Variants in FOXP1 observed in about 807,000 individuals in gnomAD.
FOXP1 encodes forkhead box protein P1.
Under a neutral mutation model 98.2 loss-of-function variants are expected in FOXP1, and 15 were observed. The ratio of observed to expected loss-of-function variants is 0.15; its 90% CI spans 0.10 to 0.24. The LOEUF is 0.24. Ranked by LOEUF, FOXP1 falls within the 10% of genes least tolerant of loss-of-function variation. FOXP1 has a pLI of 1.00. For missense variants in FOXP1, 633 were observed against 848.5 expected (o/e 0.75, Z 3.15); for synonymous variants, 371 against 314.5 (o/e 1.18, Z -1.90).
intron 7 of FOXP1, among the ~76,000 whole-genome samples, chr3:71,075,362 A>C (rs2053687407): frequency 6.6e-6 from 1 of 152,010 alleles, no homozygotes; most frequent in South Asian, 2.1e-4. Context: ...ATTACTACAT[A>C]CCACTTTTCC....
chr3:71,082,304 A>G (rs980749018), intron 7 of FOXP1, among the ~76,000 whole-genome samples: 9 of 150,774 alleles, frequency 6.0e-5, no homozygotes, highest in Non-Finnish European at 1.2e-4. Flanking sequence ...AAAAAAAAAG[A>G]ATAGACGGTG....
intron 6 of FOXP1, among the ~76,000 whole-genome samples, chr3:71,174,570 T>C (rs2061818893): frequency 2.0e-5 from 3 of 152,162 alleles, no homozygotes; most frequent in Admixed American, 1.3e-4. Flanking sequence ...TCACAGATCA[T>C]GGAAGGGTCC....
intron 2 of FOXP1, among the ~76,000 whole-genome samples, chr3:71,560,814 G>A (rs2046476559): frequency 6.6e-6 from 1 of 152,104 alleles, no homozygotes; most frequent in Non-Finnish European, 1.5e-5. Context: ...AGGCCACAGA[G>A]AGTTTCATTC....
At chr3:71,395,997 T>C (rs1217519984) in intron 3 of FOXP1, among the ~76,000 whole-genome samples, 1 of 152,096 alleles carries the variant, frequency 6.6e-6, no homozygotes. Context: ...GAAACAGAGA[T>C]GGGTTACAAA....
chr3:71,285,990 T>G (rs1433968149), intron 5 of FOXP1, among the ~76,000 whole-genome samples: 2 of 152,222 alleles, frequency 1.3e-5, no homozygotes, highest in East Asian at 3.8e-4. Context: ...TGTTAGGCGA[T>G]TTTGCTACTG....
rs2074835630 is a variant in FOXP1, at chr3:71,313,299, T to A, written c.-72-13419A>T. ...TGGTCTCGATCTCCTGACCTCATGA[T>A]CCGTCCGCCTCTGCCTCCCAAAGTG... On this transcript the variant is annotated intron_variant, in intron 4 of 20. Coordinates refer to ENST00000649528, the MANE Select transcript of FOXP1 (RefSeq NM_001349338.3). Among the ~76,000 whole-genome samples, 3 of 151,774 alleles carry A rather than the reference T, an allele frequency of 2.0e-5. 1 individual carries two copies. In the South Asian group the frequency reaches 6.2e-4, roughly 32 times the overall value.
In FOXP1 at chr3:71,114,097, C is replaced by G. The variant is rs977889831; in HGVS notation, c.181-1460G>C. On this transcript the variant is annotated intron_variant, in intron 6 of 20. Transcript: ENST00000649528. Reference sequence around the variant, plus strand: ...TATGGTAACCAAATTATTTGCGCATCAAAGAAGAGGCACACATAGATGTCA... The same window carrying G: ...TATGGTAACCAAATTATTTGCGCATGAAAGAAGAGGCACACATAGATGTCA... Among the ~76,000 whole-genome samples, 4 of 152,062 alleles carry G rather than the reference C, an allele frequency of 2.6e-5. No individual in the cohort carries two copies. In the South Asian group the frequency reaches 8.3e-4, roughly 32 times the overall value.
intron 7 of FOXP1, among the ~76,000 whole-genome samples, chr3:71,112,119 G>C (rs567119693): frequency 1.4e-5 from 2 of 142,926 alleles, no homozygotes; most frequent in Middle Eastern, 3.5e-3. Flanking sequence ...GTGGTGGGTG[G>C]GGGGGTGGGG....
chr3:71,201,650 A>G (rs903735106), intron 5 of FOXP1, among the ~76,000 whole-genome samples: 1 of 148,436 alleles, frequency 6.7e-6, no homozygotes, highest in East Asian at 2.0e-4. Flanking sequence ...GGGGAGAGGG[A>G]AAAAAAAAAG....
intron 2 of FOXP1, among the ~76,000 whole-genome samples, chr3:71,503,399 A>G (rs2041553221): frequency 6.6e-6 from 1 of 150,860 alleles, no homozygotes; most frequent in African/African-American, 2.5e-5. Context: ...TAAGTTAAAA[A>G]GCAAACAGAA....
chr3:71,313,134 A>T (rs754980678), intron 4 of FOXP1, among the ~76,000 whole-genome samples: 29 of 135,666 alleles, frequency 2.1e-4, no homozygotes, highest in Non-Finnish European at 3.5e-4. Flanking sequence ...ATCTCGGCTC[A>T]CTGCAAGCTC....
chr3:71,582,256 T>C, intron 1 of FOXP1: 1 of 984,928 alleles, frequency 1.0e-6, no homozygotes, highest in Non-Finnish European at 1.2e-6. Flanking sequence ...AGAAGGAATC[T>C]AAGTTTCCGA....
At chr3:71,478,361 T>A (rs191398289) in intron 3 of FOXP1, among the ~76,000 whole-genome samples, 156 of 152,258 alleles carry the variant, frequency 1.0e-3, no homozygotes, top group African/African-American at 3.5e-3. Context: ...ATCTGCTACA[T>A]GTGAAGAATA....
intron 2 of FOXP1, among the ~76,000 whole-genome samples, chr3:71,525,233 G>A (rs940567853): frequency 6.6e-6 from 1 of 152,146 alleles, no homozygotes; most frequent in Non-Finnish European, 1.5e-5. Flanking sequence ...CAAAACTAGG[G>A]TGGATAAAAA....
chr3:71,313,154 G>C (rs2074822487), intron 4 of FOXP1, among the ~76,000 whole-genome samples: 1 of 149,534 alleles, frequency 6.7e-6, no homozygotes, highest in Non-Finnish European at 1.5e-5. Flanking sequence ...CCGCCTCCCG[G>C]ATTCATGCCA....
Position 70,959,978 on chromosome 3 carries a change from G to C in FOXP1, c.1890-587C>G, listed in dbSNP as rs2032916284. Among the ~76,000 whole-genome samples, 4 of 152,184 alleles carry C rather than the reference G, an allele frequency of 2.6e-5. No individual in the cohort carries two copies. In the South Asian group the frequency reaches 8.3e-4, roughly 32 times the overall value. On this transcript the variant is annotated intron_variant, in intron 20 of 20. Coordinates refer to ENST00000649528, the MANE Select transcript of FOXP1 (RefSeq NM_001349338.3). ...ATTACACGAAATAAGAATCTGTAAT[G>C]CAACGGCAGTTTGTGGGGACCACTG...
chr3:71,485,292 A>T (rs2090566139), intron 3 of FOXP1, among the ~76,000 whole-genome samples: 1 of 152,198 alleles, frequency 6.6e-6, no homozygotes, highest in Non-Finnish European at 1.5e-5. Context: ...AAAATATTTA[A>T]AAGTAGAGAA....
intron 6 of FOXP1, among the ~76,000 whole-genome samples, chr3:71,133,774 C>A (rs997664430): frequency 3.3e-5 from 5 of 151,966 alleles, no homozygotes; most frequent in Non-Finnish European, 7.4e-5. Context: ...GAGTTGAGTA[C>A]ACGTTACATT....
chr3:71,179,253 C>T (rs888212173), intron 6 of FOXP1, among the ~76,000 whole-genome samples: 16 of 151,184 alleles, frequency 1.1e-4, no homozygotes, highest in African/African-American at 2.9e-4. Flanking sequence ...CTCAGCCTCC[C>T]GAGTAGCTGG....
Sources: allele counts gnomAD v4.1 joint callset (sites outside exome capture counted in the v4.1 genomes callset), GRCh38; gene constraint gnomAD v4.1.1; transcripts MANE v1.5; gene names NCBI Gene and HGNC (gene_info 2026-07-23, HGNC 2026-07-21).